The following DHRS2 variants were observed in gnomAD, a reference collection of about 807,000 sequenced individuals.
DHRS2 encodes dehydrogenase/reductase 2, also known as dehydrogenase/reductase SDR family member 2, mitochondrial.
A neutral mutation model predicts 26.3 loss-of-function variants in DHRS2; 29 were observed. The ratio of observed to expected loss-of-function variants is 1.10; its 90% confidence interval spans 0.82 to 1.50. DHRS2 has a LOEUF of 1.50. DHRS2 is among the 40% of genes most tolerant of loss of function. The pLI, the probability that DHRS2 is intolerant of heterozygous loss-of-function variation, is 0.00. For synonymous variants in DHRS2, 164 were observed against 151.3 expected, an observed-to-expected ratio of 1.08 and a Z score of -0.62; for missense variants, 439 against 367.1, an observed-to-expected ratio of 1.20 and a Z score of -1.60.
upstream of DHRS2, among the ~76,000 whole-genome samples, chr14:23,631,992 C>T (rs1282796619): frequency 1.3e-5 from 2 of 152,212 alleles, no homozygotes; most frequent in African/African-American, 4.8e-5. Flanking sequence ...GTCAGCTTTC[C>T]TGCAAACCAC....
At position 23,644,206 on chromosome 14, in the gene DHRS2, G is replaced by A. The variant is rs763517436; in HGVS notation, c.540+44G>A. 16 of 1,606,222 alleles carry A rather than the reference G, an allele frequency of 1.0e-5. No individual in the cohort carries two copies. The Middle Eastern group carries it at 5.0e-4, about 50-fold the overall frequency. On this transcript the variant is annotated intron_variant, in intron 6 of 8. Coordinates refer to ENST00000250383, the MANE Select transcript of DHRS2 (RefSeq NM_005794.4). ...TGCTCCTGAGTGGTATAGGGTGAGG[G>A]GCAACTTTGTTCTTTTCCTCAGAGC...
intron 1 of DHRS2, 82 bp from the exon 2 acceptor site, chr14:23,638,745 C>A: frequency 7.1e-7 from 1 of 1,410,946 alleles, no homozygotes; most frequent in Non-Finnish European, 9.6e-7. Context: ...CTGGCCTTGT[C>A]TGTCTGGAGG....
At chr14:23,641,502 C>A (rs1413217868) in intron 4 of DHRS2, 1 of 880,658 alleles carries the variant, frequency 1.1e-6, no homozygotes, top group African/African-American at 1.8e-5. Flanking sequence ...CTCACCTTTT[C>A]TTTGGCTTGG....
At chr14:23,642,039 C>T in intron 4 of DHRS2, 1 of 1,099,088 alleles carries the variant, frequency 9.1e-7, no homozygotes, top group Non-Finnish European at 1.1e-6. Flanking sequence ...CGTTCCCAGA[C>T]CCACCAGACA....
chr14:23,631,769 C>T (rs867700701), upstream of DHRS2, among the ~76,000 whole-genome samples: 1 of 152,156 alleles, frequency 6.6e-6, no homozygotes, highest in Admixed American at 6.5e-5. Context: ...AATTCTGCTG[C>T]AGCTGACCGA....
At chr14:23,632,259 G>C (rs186890370), upstream of DHRS2, among the ~76,000 whole-genome samples, 43 of 152,312 alleles carry the variant, frequency 2.8e-4, no homozygotes, top group Non-Finnish European at 4.9e-4. Flanking sequence ...CCCAGGGGGG[G>C]CATAACAATG....
intron 8 of DHRS2, 101 bp downstream of exon 8, chr14:23,644,983 T>C (rs778516610): frequency 1.9e-6 from 3 of 1,567,674 alleles, no homozygotes; most frequent in East Asian, 2.2e-5. Context: ...GCCATTGTTT[T>C]TGCTGAAATC....
At chr14:23,637,050 C>T (rs909690898) in intron 1 of DHRS2, among the ~76,000 whole-genome samples, 1 of 152,124 alleles carries the variant, frequency 6.6e-6, no homozygotes, top group Non-Finnish European at 1.5e-5. Context: ...CTCCGGAGTC[C>T]CCACAACAAG....
chr14:23,641,912 AG>A, intron 4 of DHRS2: 1 of 1,195,352 alleles, frequency 8.4e-7, no homozygotes, highest in South Asian at 1.5e-5. Flanking sequence ...GACCTGAATC[AG>A]GACAGATCCC....
chr14:23,634,085 T>TTTG (rs1555366001), upstream of DHRS2, among the ~76,000 whole-genome samples: 1 of 146,234 alleles, frequency 6.8e-6, no homozygotes, highest in East Asian at 2.0e-4. Context: ...TTTTTTTTTT[T>TTTG]GAGACGGAGT....
rs1159062279 is a variant in DHRS2, at chr14:23,636,716, T to TATTGCCAAGTGGTGAGACC, written c.-92_-74dup. 6.6e-6 allele frequency: 1 copy of TATTGCCAAGTGGTGAGACC among 151,082 alleles called. No homozygotes were observed. Among genetic ancestry groups the TATTGCCAAGTGGTGAGACC allele is most frequent in the Non-Finnish European group, 1.5e-5 (1 of 67,080 alleles). The allele number at this position is 151,082 out of a possible 1,614,324, so 9.4% of individuals were successfully genotyped here. The stretch of plus-strand genomic sequence containing the variant: ...TGAGACTATTGCCAAGCAGTGAGAC[T>TATTGCCAAGTGGTGAGACC]ATTGCCAAGTGGTGAGACCATCACC... On this transcript the variant is annotated 5_prime_UTR_variant, in exon 1 of 9. Transcript: ENST00000250383.
At chr14:23,633,887 A>G (rs564686699), upstream of DHRS2, among the ~76,000 whole-genome samples, 33 of 152,254 alleles carry the variant, frequency 2.2e-4, no homozygotes, top group South Asian at 6.6e-3. Flanking sequence ...AAAATTTACC[A>G]TGAGCAGGTA....
At chr14:23,641,452 A>T in intron 4 of DHRS2, 1 of 430,410 alleles carries the variant, frequency 2.3e-6, no homozygotes, top group Non-Finnish European at 4.0e-6. Context: ...ACTCTCTCTT[A>T]CTTTCTAATG....
rs1890798518 is a variant in DHRS2 at position 23,644,562 on chromosome 14, T to C, written c.675+19T>C. Reference sequence around the variant, plus strand: ...CAAAGTGGTGAGGATTGGGTGTGTCTTCCATCTCCCAGTCTGGCTCAGTGG... The same window carrying C: ...CAAAGTGGTGAGGATTGGGTGTGTCCTCCATCTCCCAGTCTGGCTCAGTGG... On this transcript the variant is annotated intron_variant, in intron 7 of 8. Coordinates refer to ENST00000250383, the MANE Select transcript of DHRS2 (RefSeq NM_005794.4). 1 of 1,614,062 alleles carries C rather than the reference T, an allele frequency of 6.2e-7. No homozygotes were observed.
At chr14:23,640,020 T>G (rs1334231838) in intron 4 of DHRS2, 125 bp downstream of exon 4, 2 of 886,430 alleles carry the variant, frequency 2.3e-6, no homozygotes, top group African/African-American at 1.8e-5. Flanking sequence ...AGGCCCTGGG[T>G]GGTAGTCCTG....
chr14:23,639,676 G>C lies in DHRS2; in HGVS notation c.319-118G>C, dbSNP rs563776807. The C allele has an allele frequency of 3.3e-5, 38 of 1,166,572 alleles. No individual in the cohort carries two copies. In the African/African-American group the frequency reaches 5.3e-4, roughly 16 times the overall value. The allele number at this position is 1,166,572 out of a possible 1,614,324, so 72.3% of individuals were successfully genotyped here. On this transcript the variant is annotated intron_variant, in intron 3 of 8. Transcript: ENST00000250383. ...CAGGAGCCTGCCCTTGGGACACCTA[G>C]GTCATTTTCCTTTAGGAGCTCTGCA...
upstream of DHRS2, among the ~76,000 whole-genome samples, chr14:23,634,413 G>A (rs558151196): frequency 6.6e-5 from 10 of 152,036 alleles, no homozygotes; most frequent in Admixed American, 2.0e-4. Flanking sequence ...GCTCTACTGC[G>A]GAAATACCCA....
At chr14:23,642,597 C>G (rs1890711556) in intron 4 of DHRS2, 1 of 153,152 alleles carries the variant, frequency 6.5e-6, no homozygotes, top group Admixed American at 6.5e-5. Context: ...GACAGGGTCT[C>G]ACTCTGTCAC....
chr14:23,645,459 T>A lies in DHRS2; in HGVS notation c.*206T>A. 1 of 1,040,706 alleles carries A rather than the reference T, an allele frequency of 9.6e-7. No homozygotes were observed. The highest frequency in any genetic ancestry group is 1.4e-6 in the Non-Finnish European group (1 of 736,186). The allele number at this position is 1,040,706 out of a possible 1,614,324, so 64.5% of individuals were successfully genotyped here. A position where few individuals can be genotyped will look rare whatever the true frequency, so the allele number is the denominator to read the frequency against. On this transcript the variant is annotated 3_prime_UTR_variant, in exon 9 of 9. Coordinates refer to ENST00000250383, the MANE Select transcript of DHRS2 (RefSeq NM_005794.4). Reference sequence around the variant, plus strand: ...TGCTTGTAGATTTGGCTGATCCAATTAACATGTGGGGTTCTTGGTGTGGGT... The same window carrying A: ...TGCTTGTAGATTTGGCTGATCCAATAAACATGTGGGGTTCTTGGTGTGGGT...
Sources: gnomAD v4.1 joint callset for allele counts (sites outside exome capture counted in the v4.1 genomes callset) on GRCh38, gnomAD v4.1.1 for gene constraint, MANE v1.5 for transcripts, NCBI Gene and HGNC (gene_info 2026-07-23, HGNC 2026-07-21) for gene names.